CEP63: variants seen among roughly 807,000 people sequenced by gnomAD.
The protein encoded by CEP63 is centrosomal protein of 63 kDa.
CEP63 carries 84 observed loss-of-function variants against 89.1 expected under a neutral mutation model. The observed-to-expected ratio is 0.94, with a 90% CI of 0.79 to 1.13. The LOEUF (loss-of-function observed/expected upper bound fraction) is 1.13, where lower values mean the gene tolerates loss of function less well. Among genes scored for constraint, CEP63 ranks in the 50% most tolerant of loss-of-function variants. The probability of loss-of-function intolerance (pLI) is 0.00; values close to 1 mark genes in which losing one functional copy is unlikely to be tolerated. For synonymous variants in CEP63, 267 were observed against 272.5 expected, an observed-to-expected ratio of 0.98 and a Z score of 0.20; for missense variants, 838 against 813.3, an observed-to-expected ratio of 1.03 and a Z score of -0.37.
the CEP63 span, among the ~76,000 whole-genome samples, chr3:134,611,409 C>T: frequency 1.3e-5 from 2 of 152,248 alleles, no homozygotes; most frequent in Non-Finnish European, 2.9e-5. Flanking sequence ...TCTTGCTCCT[C>T]AGCAGCCCTG....
chr3:134,709,499 G>A, the CEP63 span, among the ~76,000 whole-genome samples: 1 of 149,084 alleles, frequency 6.7e-6, no homozygotes, highest in African/African-American at 2.5e-5. Context: ...GGGGGTGGGG[G>A]TGGGGGTTGG....
the CEP63 span, among the ~76,000 whole-genome samples, chr3:134,762,132 AC>A: frequency 6.6e-6 from 1 of 152,178 alleles, no homozygotes; most frequent in Non-Finnish European, 1.5e-5. Flanking sequence ...GTCTTTGCCT[AC>A]ATGATGATTA....
At chr3:134,549,916 A>G in intron 10 of CEP63, 147 bp from the exon 11 acceptor site, 1 of 684,534 alleles carries the variant, frequency 1.5e-6, no homozygotes, top group South Asian at 1.8e-5. Flanking sequence ...GCAACTTGGT[A>G]AATTGCTAAT....
At chr3:134,498,439 G>A (rs1230621937) in intron 2 of CEP63, among the ~76,000 whole-genome samples, 2 of 152,078 alleles carry the variant, frequency 1.3e-5, no homozygotes, top group Non-Finnish European at 2.9e-5. Flanking sequence ...TTCTTTATCA[G>A]TTCTAAGACT....
intron 3 of CEP63, among the ~76,000 whole-genome samples, chr3:134,519,375 C>G (rs1946947582): frequency 6.6e-6 from 1 of 151,694 alleles, no homozygotes. Flanking sequence ...CTCAGGTGAT[C>G]TGCCCGCCTC....
At chr3:134,643,003 ATAGT>A in the CEP63 span, among the ~76,000 whole-genome samples, 9 of 152,322 alleles carry the variant, frequency 5.9e-5, no homozygotes, top group East Asian at 1.7e-3. Context: ...TGTCTGGCAC[ATAGT>A]TAGCATTCAA....
chr3:134,667,074 C>T, the CEP63 span, among the ~76,000 whole-genome samples: 126 of 152,282 alleles, frequency 8.3e-4, 2 homozygotes, highest in East Asian at 0.023. Context: ...AATCGGTGTC[C>T]GAGGCTACCA....
the CEP63 span, among the ~76,000 whole-genome samples, chr3:134,657,601 T>G: frequency 4.6e-5 from 7 of 152,342 alleles, no homozygotes; most frequent in East Asian, 1.3e-3. Flanking sequence ...TAGTTTGTTT[T>G]GCATTGTCTA....
At chr3:134,716,253 G>C in the CEP63 span, among the ~76,000 whole-genome samples, 1 of 152,184 alleles carries the variant, frequency 6.6e-6, no homozygotes, top group Non-Finnish European at 1.5e-5. Flanking sequence ...CCCTGTGGCT[G>C]TATATTTTCA....
chr3:134,651,822 G>T, the CEP63 span, among the ~76,000 whole-genome samples: 1 of 152,164 alleles, frequency 6.6e-6, no homozygotes, highest in African/African-American at 2.4e-5. Context: ...TTTTAGCCCG[G>T]CCTGGCCTGC....
chr3:134,570,637 G>T (rs1236710218), intron 11 of CEP63, among the ~76,000 whole-genome samples: 2 of 152,144 alleles, frequency 1.3e-5, no homozygotes, highest in African/African-American at 4.8e-5. Flanking sequence ...ACATTTTCCT[G>T]TCTTCTTCTG....
the CEP63 span, among the ~76,000 whole-genome samples, chr3:134,751,810 C>G: frequency 6.6e-6 from 1 of 152,158 alleles, no homozygotes; most frequent in Non-Finnish European, 1.5e-5. Context: ...AAGCACTTTC[C>G]ATTATTCAAT....
At chr3:134,744,773 C>T in the CEP63 span, among the ~76,000 whole-genome samples, 3 of 152,156 alleles carry the variant, frequency 2.0e-5, no homozygotes, top group Non-Finnish European at 2.9e-5. Context: ...CCTCCTCTTC[C>T]TTCCAAAGTG....
At chr3:134,620,576 A>G in the CEP63 span, among the ~76,000 whole-genome samples, 1 of 152,170 alleles carries the variant, frequency 6.6e-6, no homozygotes, top group Admixed American at 6.5e-5. Context: ...CTCATAGCAC[A>G]TGGTGAATTT....
chr3:134,647,715 G>T, the CEP63 span, among the ~76,000 whole-genome samples: 266 of 152,338 alleles, frequency 1.7e-3, no homozygotes, highest in African/African-American at 6.1e-3. Context: ...GGGCAGCAGG[G>T]TTGGTTATCA....
chr3:134,577,985 G>C (rs565746599), downstream of CEP63, among the ~76,000 whole-genome samples: 3 of 152,254 alleles, frequency 2.0e-5, no homozygotes, highest in South Asian at 6.2e-4. Context: ...GTATTCCATG[G>C]TGTATATGTG....
At chr3:134,769,258 GC>G in the CEP63 span, among the ~76,000 whole-genome samples, 1 of 152,164 alleles carries the variant, frequency 6.6e-6, no homozygotes, top group African/African-American at 2.4e-5. Flanking sequence ...CTGTAAAACA[GC>G]AAATTCTTGG....
At chr3:134,581,067 C>G (rs1958334001) in intron 10 of CEP63, among the ~76,000 whole-genome samples, 3 of 146,766 alleles carry the variant, frequency 2.0e-5, no homozygotes, top group African/African-American at 7.5e-5. Flanking sequence ...GGGCCATGAG[C>G]CAAGGAATGC....
chr3:134,724,853 A>C, the CEP63 span, among the ~76,000 whole-genome samples: 2 of 152,214 alleles, frequency 1.3e-5, no homozygotes, highest in Admixed American at 1.3e-4. Context: ...ATATATGAAA[A>C]AACTTGATAA....
Sources: gnomAD v4.1 joint callset for allele counts (sites outside exome capture counted in the v4.1 genomes callset) on GRCh38, gnomAD v4.1.1 for gene constraint, MANE v1.5 for transcripts, NCBI Gene and HGNC (gene_info 2026-07-23, HGNC 2026-07-21) for gene names.